ASTN2: variants seen among roughly 807,000 people sequenced by gnomAD.
ASTN2 encodes the protein astrotactin 2, also known as astrotactin-2.
In ASTN2, 54 loss-of-function variants were observed where a neutral mutation model predicts 139.8. That is an observed-to-expected ratio of 0.39 (90% CI 0.31 to 0.48). The LOEUF is 0.48. Among genes scored for constraint, ASTN2 ranks in the 20% least tolerant of loss-of-function variants. The pLI is 0.95. For synonymous variants in ASTN2, 756 were observed against 719.5 expected, an observed-to-expected ratio of 1.05 and a Z score of -0.81; for missense variants, 1,565 against 1,725.1, an observed-to-expected ratio of 0.91 and a Z score of 1.64.
intron 1 of ASTN2, among the ~76,000 whole-genome samples, chr9:117,323,676 T>C (rs7038464): frequency 0.48 from 73,566 of 152,042 alleles, 17,980 homozygotes; most frequent in African/African-American, 0.51. Flanking sequence ...CTCAACAATG[T>C]TTTCAGTGTG....
At chr9:116,877,466 A>G (rs1833333225) in intron 10 of ASTN2, among the ~76,000 whole-genome samples, 2 of 152,230 alleles carry the variant, frequency 1.3e-5, no homozygotes, top group African/African-American at 4.8e-5. Flanking sequence ...GTATATATCT[A>G]TAGCTATACA....
At chr9:117,085,136 G>T (rs1315185359) in intron 5 of ASTN2, among the ~76,000 whole-genome samples, 1 of 152,090 alleles carries the variant, frequency 6.6e-6, no homozygotes. Context: ...CTTGGGCCTT[G>T]GATGTTGTAG....
intron 5 of ASTN2, among the ~76,000 whole-genome samples, chr9:117,080,547 G>C (rs1828399808): frequency 6.6e-6 from 1 of 152,180 alleles, no homozygotes; most frequent in South Asian, 2.1e-4. Context: ...ATAAGAAAGA[G>C]TGTGCAGGAA....
intron 1 of ASTN2, among the ~76,000 whole-genome samples, chr9:117,300,229 GA>G (rs1834842461): frequency 6.6e-6 from 1 of 152,192 alleles, no homozygotes; most frequent in South Asian, 2.1e-4. Flanking sequence ...TATCCTCACA[GA>G]CTTTCCAGTT....
At chr9:117,097,594 T>C (rs920096533) in intron 4 of ASTN2, among the ~76,000 whole-genome samples, 38 of 152,240 alleles carry the variant, frequency 2.5e-4, no homozygotes, top group African/African-American at 8.2e-4. Context: ...AAAATGGTTG[T>C]CCTGGATGGA....
At chr9:116,790,847 G>A (rs1006968439) in intron 13 of ASTN2, among the ~76,000 whole-genome samples, 1 of 149,940 alleles carries the variant, frequency 6.7e-6, no homozygotes, top group Non-Finnish European at 1.5e-5. Context: ...GCTAATTCTT[G>A]TATTTTTACT....
chr9:117,368,083 A>C (rs1829893297), intron 1 of ASTN2, among the ~76,000 whole-genome samples: 1 of 152,152 alleles, frequency 6.6e-6, no homozygotes, highest in South Asian at 2.1e-4. Flanking sequence ...GATGTTCTGG[A>C]AGCTAACGAT....
chr9:117,027,678 T>C (rs1238912569), intron 6 of ASTN2, among the ~76,000 whole-genome samples: 4 of 152,188 alleles, frequency 2.6e-5, no homozygotes, highest in African/African-American at 9.6e-5. Context: ...ATCTGCCCAG[T>C]GGAAAAGACT....
At chr9:116,985,157 T>A (rs1211891632) in intron 7 of ASTN2, among the ~76,000 whole-genome samples, 4 of 152,196 alleles carry the variant, frequency 2.6e-5, no homozygotes, top group Non-Finnish European at 4.4e-5. Context: ...TCTGAGCAAC[T>A]TCACATGGGT....
chr9:116,879,993 T>A (rs963189576), intron 10 of ASTN2, among the ~76,000 whole-genome samples: 1 of 152,192 alleles, frequency 6.6e-6, no homozygotes, highest in East Asian at 1.9e-4. Context: ...AAATCAATTG[T>A]AACATAATCT....
At chr9:117,259,167 C>T (rs1278670589) in intron 2 of ASTN2, among the ~76,000 whole-genome samples, 1 of 152,148 alleles carries the variant, frequency 6.6e-6, no homozygotes, top group Non-Finnish European at 1.5e-5. Context: ...CTCCCCTTAG[C>T]TCCTGGGGCT....
chr9:116,767,475 C>A (rs1049767138), intron 13 of ASTN2, among the ~76,000 whole-genome samples: 1 of 152,156 alleles, frequency 6.6e-6, no homozygotes, highest in Admixed American at 6.5e-5. Flanking sequence ...GCAGGCCTGA[C>A]AAAACATTTC....
At chr9:117,193,909 G>T (rs1030072879) in intron 3 of ASTN2, among the ~76,000 whole-genome samples, 1 of 152,164 alleles carries the variant, frequency 6.6e-6, no homozygotes, top group Admixed American at 6.5e-5. Flanking sequence ...TCAGAACAGA[G>T]TATGGCTTAA....
intron 3 of ASTN2, among the ~76,000 whole-genome samples, chr9:117,197,998 T>C (rs1382835383): frequency 6.6e-6 from 1 of 151,994 alleles, no homozygotes; most frequent in African/African-American, 2.4e-5. Flanking sequence ...TAAGATTTTT[T>C]TTCTTTGTCC....
At chr9:116,586,414 G>A (rs2131722748) in intron 19 of ASTN2, 1 of 152,240 alleles carries the variant, frequency 6.6e-6, no homozygotes, top group South Asian at 2.1e-4. Flanking sequence ...ACAGTGGACT[G>A]GATAAAGAAA....
intron 19 of ASTN2, among the ~76,000 whole-genome samples, chr9:116,569,111 G>A (rs927674063): frequency 7.2e-5 from 11 of 152,168 alleles, no homozygotes; most frequent in Admixed American, 3.3e-4. Flanking sequence ...AAATCAGGGC[G>A]AAATGTCCCT....
At chr9:116,888,281 C>A (rs140484034) in intron 10 of ASTN2, among the ~76,000 whole-genome samples, 100 of 152,044 alleles carry the variant, frequency 6.6e-4, no homozygotes, top group African/African-American at 2.0e-3. Context: ...AGAAAAAAAA[C>A]CAAAAATCAA....
At chr9:117,207,242 G>C (rs888250874) in intron 3 of ASTN2, among the ~76,000 whole-genome samples, 5 of 152,022 alleles carry the variant, frequency 3.3e-5, no homozygotes, top group Non-Finnish European at 7.4e-5. Context: ...CAGCTATATG[G>C]CCATGTCCCA....
intron 4 of ASTN2, among the ~76,000 whole-genome samples, chr9:117,123,245 T>C (rs1359982821): frequency 6.6e-6 from 1 of 151,844 alleles, no homozygotes; most frequent in Non-Finnish European, 1.5e-5. Context: ...CCCAGAGCAA[T>C]GAGGATGCAA....
Sources: allele counts gnomAD v4.1 joint callset (sites outside exome capture counted in the v4.1 genomes callset), GRCh38; gene constraint gnomAD v4.1.1; transcripts MANE v1.5; gene names NCBI Gene and HGNC (gene_info 2026-07-23, HGNC 2026-07-21).